The following ECE1 variants were observed in gnomAD, a reference collection of about 807,000 sequenced individuals.
The protein encoded by ECE1 is endothelin converting enzyme 1.
ECE1 carries 35 observed loss-of-function variants against 98.6 expected under a neutral mutation model. The ratio of observed to expected loss-of-function variants is 0.35; its 90% CI spans 0.27 to 0.47. ECE1 has a LOEUF of 0.47. Ranked by LOEUF, ECE1 falls within the 20% of genes least tolerant of loss-of-function variation. The pLI is 1.00. For missense variants in ECE1, 814 were observed against 1,025.3 expected, an observed-to-expected ratio of 0.79 and a Z score of 2.81; for synonymous variants, 394 against 407.1, an observed-to-expected ratio of 0.97 and a Z score of 0.39.
chr1:21,304,097 C>T (rs1411967694), intron 1 of ECE1, among the ~76,000 whole-genome samples: 3 of 150,670 alleles, frequency 2.0e-5, no homozygotes, highest in East Asian at 2.0e-4. Context: ...AGGCGGATCA[C>T]GAGGTCAGCA....
rs1376821212 is a variant in ECE1 at position 21,327,540 on chromosome 1, G to A, written c.3+17836C>T. Among the ~76,000 whole-genome samples the A allele has an allele frequency of 1.3e-5, 2 of 152,124 alleles. No individual in the cohort carries two copies. Among genetic ancestry groups the A allele is most frequent in the Non-Finnish European group, 2.9e-5 (2 of 68,024 alleles). The stretch of plus-strand genomic sequence containing the variant: ...CTTAGCTCCCTGCTGACACCCCTTC[G>A]AGAACCGGGAGACCTCCACCCTGCT... On this transcript the variant is annotated intron_variant, in intron 1 of 18. Coordinates refer to the ECE1 transcript ENST00000415912. The surrounding 1 kb of genome is among the most constrained non-coding windows in gnomAD (Gnocchi z 4.6).
intron 4 of ECE1, among the ~76,000 whole-genome samples, chr1:21,264,427 G>T (rs2098231329): frequency 6.6e-6 from 1 of 150,600 alleles, no homozygotes; most frequent in Admixed American, 6.7e-5. Flanking sequence ...TGATTCTCCT[G>T]CCTCAGCCTC....
At chr1:21,266,300 G>C (rs1293372466) in intron 4 of ECE1, among the ~76,000 whole-genome samples, 1 of 152,106 alleles carries the variant, frequency 6.6e-6, no homozygotes, top group Non-Finnish European at 1.5e-5. Context: ...GGGACCATCT[G>C]GCCAGGAGCC....
At chr1:21,313,582 G>A (rs937983996) in intron 1 of ECE1, among the ~76,000 whole-genome samples, 2 of 152,158 alleles carry the variant, frequency 1.3e-5, no homozygotes, top group South Asian at 2.1e-4. Context: ...GCAGGGGGCT[G>A]AGCACCAGGC....
chr1:21,274,605 C>T lies in ECE1; in HGVS notation c.281-1694G>A, dbSNP rs144569057. ...CCAGTCTTTAGAGAGCAGCAAAGAACGCACGAGCTAGTATGGGCAGTGTTC... is the reference window on the plus strand; with the variant it reads ...CCAGTCTTTAGAGAGCAGCAAAGAATGCACGAGCTAGTATGGGCAGTGTTC... On this transcript the variant is annotated intron_variant, in intron 3 of 18. Transcript: ENST00000374893. 4.1e-3 allele frequency among the ~76,000 whole-genome samples: 623 copies of T among 152,270 alleles called. 2 individuals carry two copies. Among genetic ancestry groups the T allele is most frequent in the African/African-American group, 0.014 (572 of 41,552 alleles).
intron 1 of ECE1, among the ~76,000 whole-genome samples, chr1:21,313,425 A>G (rs1222855600): frequency 6.6e-6 from 1 of 152,146 alleles, no homozygotes; most frequent in African/African-American, 2.4e-5. Context: ...TCCAGCTGAC[A>G]GTGGGGGAAT....
chr1:21,274,222 C>T (rs2098243897), intron 3 of ECE1, among the ~76,000 whole-genome samples: 1 of 152,212 alleles, frequency 6.6e-6, no homozygotes, highest in Non-Finnish European at 1.5e-5. Context: ...GAGAGCTGGG[C>T]CCAGGCCTGT....
At chr1:21,301,477 A>G (rs1482232524) in intron 1 of ECE1, among the ~76,000 whole-genome samples, 1 of 151,632 alleles carries the variant, frequency 6.6e-6, no homozygotes, top group Non-Finnish European at 1.5e-5. Flanking sequence ...CCTGGGCGAC[A>G]GCGAGACTCC....
At chr1:21,238,615 C>T (rs540178105) in intron 10 of ECE1, among the ~76,000 whole-genome samples, 1 of 152,124 alleles carries the variant, frequency 6.6e-6, no homozygotes, top group Admixed American at 6.5e-5. Context: ...CTGAGACGTG[C>T]CTGACTCCAC....
intron 4 of ECE1, among the ~76,000 whole-genome samples, chr1:21,272,435 G>T (rs999107417): frequency 1.3e-5 from 2 of 152,196 alleles, no homozygotes; most frequent in African/African-American, 2.4e-5. Flanking sequence ...GGGACTACAG[G>T]CGCACGCCAC....
chr1:21,235,815 T>G lies in ECE1; in HGVS notation c.1566+35A>C. On this transcript the variant is annotated intron_variant, in intron 13 of 18. Transcript: ENST00000374893. This position sits in a 1 kb window ranked among gnomAD's most constrained non-coding sequence, Gnocchi z 4.2. ...CTCGGCCCTTTTCTAAGGGGGCATT[T>G]AGGAACGCAAGGGGGCAGGGCAGCA... 1.2e-6 allele frequency: 2 copies of G among 1,610,086 alleles called. No homozygotes were observed. The highest frequency in any genetic ancestry group is 1.7e-6 in the Non-Finnish European group (2 of 1,176,356).
chr1:21,311,701 G>A (rs1638728429), intron 1 of ECE1, among the ~76,000 whole-genome samples: 1 of 151,978 alleles, frequency 6.6e-6, no homozygotes, highest in African/African-American at 2.4e-5. Context: ...TGTAGTCCCA[G>A]CTACTCAGGA....
At position 21,260,521 on chromosome 1, in the gene ECE1, T is replaced by C. The variant is rs547271965; in HGVS notation, c.494-129A>G. The C allele has an allele frequency of 2.3e-5, 28 of 1,229,058 alleles. No individual in the cohort carries two copies. Among genetic ancestry groups the C allele is most frequent in the South Asian group, 1.9e-4 (16 of 82,592 alleles). 76.1% of individuals were successfully genotyped at this position (1,229,058 alleles called of 1,614,324 possible). On this transcript the variant is annotated intron_variant, in intron 4 of 18. Coordinates refer to ENST00000374893, the MANE Select transcript of ECE1 (RefSeq NM_001397.3). The surrounding 1 kb of genome is among the most constrained non-coding windows in gnomAD (Gnocchi z 4.3). ...GAGCTCTGACATCTGCCTGTCGGAG[T>C]GGCAGTGAGGAATGCCGTCACCGTG...
chr1:21,292,967 TG>T (rs763191216), upstream of ECE1, among the ~76,000 whole-genome samples: 23 of 152,298 alleles, frequency 1.5e-4, no homozygotes, highest in Middle Eastern at 3.4e-3. Context: ...ACAGGACACT[TG>T]GTTACACTAC....
chr1:21,237,380 G>C (rs530809033), intron 11 of ECE1, among the ~76,000 whole-genome samples: 1 of 152,286 alleles, frequency 6.6e-6, no homozygotes, highest in African/African-American at 2.4e-5. Context: ...CTAGAGAAGG[G>C]GAAGGCAGAG....
Position 21,320,016 on chromosome 1 carries a change from C to T in ECE1, c.3+25360G>A, listed in dbSNP as rs183996320. Among the ~76,000 whole-genome samples the T allele has an allele frequency of 6.6e-5, 10 of 152,270 alleles. No individual in the cohort carries two copies. The East Asian group carries it at 1.3e-3, about 21-fold the overall frequency. On this transcript the variant is annotated intron_variant, in intron 1 of 18. Transcript: ENST00000415912. ...ACACATAAAATACACCAACGATAGC[C>T]GATCAGCTAAAAAACAAAGGTGCAT... is the stretch of plus-strand genomic sequence containing the variant.
intron 1 of ECE1, among the ~76,000 whole-genome samples, chr1:21,308,255 C>A (rs552530704): frequency 6.6e-6 from 1 of 152,306 alleles, no homozygotes; most frequent in East Asian, 1.9e-4. Context: ...TTTGTGCATG[C>A]TCTGGAGATG....
At chr1:21,261,825 G>A (rs1315013897) in intron 4 of ECE1, among the ~76,000 whole-genome samples, 3 of 152,210 alleles carry the variant, frequency 2.0e-5, no homozygotes, top group Non-Finnish European at 4.4e-5. Flanking sequence ...TCTGAAAGCT[G>A]AAGTTGTTCA....
rs28367974 is a variant in ECE1 at position 21,260,537 on chromosome 1, C to T, written c.494-145G>A. 5.0e-5 allele frequency: 56 copies of T among 1,114,738 alleles called. No individual in the cohort carries two copies. Among genetic ancestry groups the T allele is most frequent in the Non-Finnish European group, 6.4e-5 (48 of 745,888 alleles). The allele number at this position is 1,114,738 out of a possible 1,614,324, so 69.1% of individuals were successfully genotyped here. ...CTGTCGGAGTGGCAGTGAGGAATGC[C>T]GTCACCGTGAGTATGTGAGGGCCCC... On this transcript the variant is annotated intron_variant, in intron 4 of 18. Coordinates refer to ENST00000374893, the MANE Select transcript of ECE1 (RefSeq NM_001397.3). The surrounding 1 kb of genome is among the most constrained non-coding windows in gnomAD (Gnocchi z 4.3).
Sources: allele counts gnomAD v4.1 joint callset (sites outside exome capture counted in the v4.1 genomes callset), GRCh38; gene constraint gnomAD v4.1.1; non-coding constraint Gnocchi (gnomAD v3.1); transcripts MANE v1.5; gene names NCBI Gene and HGNC (gene_info 2026-07-23, HGNC 2026-07-21).